The following ELOVL6 variants were observed in gnomAD, a reference collection of about 807,000 sequenced individuals.
The protein encoded by ELOVL6 is ELOVL fatty acid elongase 6, also known as very long chain fatty acid elongase 6.
In ELOVL6, 8 loss-of-function variants were observed where a neutral mutation model predicts 31.7. The observed-to-expected ratio is 0.25, with a 90% CI of 0.15 to 0.45. The LOEUF (loss-of-function observed/expected upper bound fraction) is 0.45, where lower values mean the gene tolerates loss of function less well. Ranked by LOEUF, ELOVL6 falls within the 20% of genes least tolerant of loss-of-function variation. ELOVL6 has a pLI of 1.00. For synonymous variants in ELOVL6, 101 were observed against 117.7 expected (o/e 0.86, Z 0.92); for missense variants, 126 against 326.4 (o/e 0.39, Z 4.73).
chr4:110,083,624 T>C (rs1312121092), intron 2 of ELOVL6, among the ~76,000 whole-genome samples: 1 of 151,608 alleles, frequency 6.6e-6, no homozygotes, highest in Non-Finnish European at 1.5e-5. Context: ...AATGACATGA[T>C]TTGTATTTTT....
At chr4:110,175,447 G>C (rs542864044) in intron 1 of ELOVL6, among the ~76,000 whole-genome samples, 1 of 152,132 alleles carries the variant, frequency 6.6e-6, no homozygotes, top group East Asian at 1.9e-4. Flanking sequence ...CTATTTTATA[G>C]GGTTGAAGGA....
At chr4:110,147,728 C>T (rs951167027) in intron 1 of ELOVL6, among the ~76,000 whole-genome samples, 1 of 151,386 alleles carries the variant, frequency 6.6e-6, no homozygotes, top group East Asian at 1.9e-4. Flanking sequence ...GAAGTTGAGG[C>T]TGCAGTGAGC....
intron 1 of ELOVL6, among the ~76,000 whole-genome samples, chr4:110,165,572 C>T (rs749971545): frequency 6.6e-6 from 1 of 152,214 alleles, no homozygotes; most frequent in Non-Finnish European, 1.5e-5. Flanking sequence ...GCCTGCACTT[C>T]AGCTTTGTTC....
chr4:110,104,713 A>T lies in ELOVL6; in HGVS notation c.221+784T>A, dbSNP rs6824329. Among the ~76,000 whole-genome samples, 425 of 152,356 alleles carry T rather than the reference A, an allele frequency of 2.8e-3. 3 individuals carry two copies. Among genetic ancestry groups the T allele is most frequent in the African/African-American group, 8.7e-3 (363 of 41,586 alleles). On this transcript the variant is annotated intron_variant, in intron 2 of 3. Coordinates refer to ENST00000302274, the MANE Select transcript of ELOVL6 (RefSeq NM_024090.3). ...TTGCTGGTTTTGACAAGCAAAACAC[A>T]AATAGAACAGGTGCCTTTGTTAGCA...
Position 110,154,360 on chromosome 4 carries a change from AT to A in ELOVL6, c.89+43886del, listed in dbSNP as rs1188463653. Reference sequence around the variant, plus strand: ...AGCCTCCGCCTCCCAGGTTCAGGTGATTCTCCTGCCTCAGCCTCCGAGCAGC... The same window carrying A: ...AGCCTCCGCCTCCCAGGTTCAGGTGATCTCCTGCCTCAGCCTCCGAGCAGC... On this transcript the variant is annotated intron_variant, in intron 1 of 3. Coordinates refer to ENST00000302274, the MANE Select transcript of ELOVL6 (RefSeq NM_024090.3). 6.6e-5 allele frequency among the ~76,000 whole-genome samples: 10 copies of A among 152,258 alleles called. No homozygotes were observed. The South Asian group carries it at 2.1e-3, about 32-fold the overall frequency.
At position 110,049,971 on chromosome 4, in the gene ELOVL6, G is replaced by C. The variant is rs1754795283; in HGVS notation, c.*1367C>G. On this transcript the variant is annotated 3_prime_UTR_variant, in exon 4 of 4. Transcript: ENST00000302274. ...TCCCTTTTAAAACATTTCTGAAGCT[G>C]ACTTGAAGCAGGATGAATATCTTCT... 6.6e-6 allele frequency: 1 copy of C among 151,906 alleles called. No homozygotes were observed. The highest frequency in any genetic ancestry group is 1.5e-5 in the Non-Finnish European group (1 of 67,966). 9.4% of individuals were successfully genotyped at this position (151,906 alleles called of 1,614,324 possible). A position where few individuals can be genotyped will look rare whatever the true frequency, so the allele number is the denominator to read the frequency against.
chr4:110,096,597 A>G (rs1490488975), intron 2 of ELOVL6, among the ~76,000 whole-genome samples: 1 of 152,152 alleles, frequency 6.6e-6, no homozygotes, highest in East Asian at 1.9e-4. Context: ...CTGGGTTGAC[A>G]TTGGAATTTC....
intron 3 of ELOVL6, among the ~76,000 whole-genome samples, chr4:110,057,676 C>T (rs1755025835): frequency 1.3e-5 from 2 of 151,682 alleles, no homozygotes; most frequent in African/African-American, 4.8e-5. Context: ...CATGGTGAAA[C>T]CCCGTCTCTA....
At chr4:110,188,672 G>A (rs1399007838) in intron 1 of ELOVL6, among the ~76,000 whole-genome samples, 1 of 152,042 alleles carries the variant, frequency 6.6e-6, no homozygotes, top group African/African-American at 2.4e-5. Flanking sequence ...AGGATCACCT[G>A]AGGTTAGGAG....
rs1483090539 is a variant in ELOVL6, at chr4:110,049,705, T to G, written c.*1633A>C. On this transcript the variant is annotated 3_prime_UTR_variant, in exon 4 of 4. Coordinates refer to ENST00000302274, the MANE Select transcript of ELOVL6 (RefSeq NM_024090.3). ...TGCGTGGCTATGTGCGTGTAATCTA[T>G]GCAGTGTGGAAGCCCCTAATCTTTT... 2 of 150,580 alleles carry G rather than the reference T, an allele frequency of 1.3e-5. No individual in the cohort carries two copies. The highest frequency in any genetic ancestry group is 3.0e-5 in the Non-Finnish European group (2 of 67,752). 9.3% of individuals were successfully genotyped at this position (150,580 alleles called of 1,614,324 possible). A position where few individuals can be genotyped will look rare whatever the true frequency, so the allele number is the denominator to read the frequency against.
At chr4:110,096,713 C>T (rs972287635) in intron 2 of ELOVL6, among the ~76,000 whole-genome samples, 2 of 152,088 alleles carry the variant, frequency 1.3e-5, no homozygotes, top group African/African-American at 2.4e-5. Context: ...TAAAGGGTAA[C>T]GGGATTTGTG....
At chr4:110,107,898 T>G (rs556863237) in intron 1 of ELOVL6, among the ~76,000 whole-genome samples, 241 of 152,286 alleles carry the variant, frequency 1.6e-3, no homozygotes, top group African/African-American at 5.5e-3. Context: ...GCAGGTAAAG[T>G]ATTATCTTTA....
chr4:110,111,734 C>A (rs1327747207), intron 1 of ELOVL6, among the ~76,000 whole-genome samples: 1 of 151,998 alleles, frequency 6.6e-6, no homozygotes, highest in East Asian at 1.9e-4. Context: ...GATGGATGGG[C>A]AAAGGGCAAG....
intron 2 of ELOVL6, among the ~76,000 whole-genome samples, chr4:110,088,863 T>C (rs1212464588): frequency 6.6e-6 from 1 of 151,588 alleles, no homozygotes; most frequent in Non-Finnish European, 1.5e-5. Flanking sequence ...TTCATCATGC[T>C]AGTCAGAATG....
At chr4:110,100,899 A>G (rs1342157795) in intron 2 of ELOVL6, among the ~76,000 whole-genome samples, 1 of 152,246 alleles carries the variant, frequency 6.6e-6, no homozygotes, top group Non-Finnish European at 1.5e-5. Context: ...ACAATAGTTG[A>G]AAATGCATGA....
intron 1 of ELOVL6, among the ~76,000 whole-genome samples, chr4:110,139,139 T>C (rs1251174806): frequency 1.5e-4 from 23 of 152,172 alleles, no homozygotes; most frequent in Non-Finnish European, 1.5e-5. Context: ...TGGGTATATG[T>C]ATATTTTTAA....
intron 2 of ELOVL6, among the ~76,000 whole-genome samples, chr4:110,104,627 G>T (rs1402298197): frequency 6.6e-6 from 1 of 152,114 alleles, no homozygotes; most frequent in East Asian, 1.9e-4. Flanking sequence ...TAATAGTTTT[G>T]TGTTTCATAG....
In ELOVL6 at chr4:110,090,600, CT is replaced by C. The variant is rs544234717; in HGVS notation, c.221+14896del. Among the ~76,000 whole-genome samples, 641 of 103,710 alleles carry C rather than the reference CT, an allele frequency of 6.2e-3. 6 individuals carry two copies. The highest frequency in any genetic ancestry group is 0.018 in the African/African-American group (412 of 23,386). 68.0% of individuals were successfully genotyped at this position (103,710 alleles called of 152,430 possible). A position where few individuals can be genotyped will look rare whatever the true frequency, so the allele number is the denominator to read the frequency against. ...GGAACTTACAGGAAAGTTTGACTTT[CT>C]TTTTTTTTTTTTTTTTTTTCATGAG... On this transcript the variant is annotated intron_variant, in intron 2 of 3. Coordinates refer to ENST00000302274, the MANE Select transcript of ELOVL6 (RefSeq NM_024090.3).
intron 2 of ELOVL6, among the ~76,000 whole-genome samples, chr4:110,070,991 T>C (rs773864916): frequency 6.6e-6 from 1 of 152,188 alleles, no homozygotes; most frequent in Non-Finnish European, 1.5e-5. Flanking sequence ...CCATGATATA[T>C]AACATTATCT....
Sources: gnomAD v4.1 joint callset for allele counts (sites outside exome capture counted in the v4.1 genomes callset) on GRCh38, gnomAD v4.1.1 for gene constraint, MANE v1.5 for transcripts, NCBI Gene and HGNC (gene_info 2026-07-23, HGNC 2026-07-21) for gene names.